The following GPHN variants were observed in gnomAD, a reference collection of about 807,000 sequenced individuals.
GPHN encodes gephyrin.
In GPHN, 17 loss-of-function variants were observed where a neutral mutation model predicts 95.5. The ratio of observed to expected loss-of-function variants is 0.18; its 90% CI spans 0.12 to 0.27. GPHN has a LOEUF of 0.27. GPHN is among the 10% of genes least tolerant of loss of function. The pLI is 1.00. For synonymous variants in GPHN, 320 were observed against 322.5 expected (o/e 0.99, Z 0.08); for missense variants, 660 against 978.1 (o/e 0.67, Z 4.34).
intron 12 of GPHN, among the ~76,000 whole-genome samples, chr14:67,094,574 C>T (rs1460128720): frequency 2.0e-5 from 3 of 152,118 alleles, no homozygotes; most frequent in Non-Finnish European, 4.4e-5. Context: ...TCTTTCCAAG[C>T]TCTAGGTTCA....
rs1000117893 is a variant in GPHN, at chr14:66,539,409, C to CTTTTT, written c.64+30836_64+30840dup. ...AAAAAGCTCAGCTGCTTTCTACTTT[C>CTTTTT]TTTTTTTTTTTTTTTTTTTTTTGAG... On this transcript the variant is annotated intron_variant, in intron 1 of 22. Coordinates refer to ENST00000478722, the MANE Select transcript of GPHN (RefSeq NM_020806.5). Among the ~76,000 whole-genome samples the CTTTTT allele has an allele frequency of 2.9e-3, 295 of 101,718 alleles. 6 individuals carry two copies. The highest frequency in any genetic ancestry group is 6.2e-3 in the Middle Eastern group (1 of 162). 66.7% of individuals were successfully genotyped at this position (101,718 alleles called of 152,430 possible).
At chr14:66,512,558 T>G (rs1394425289) in intron 1 of GPHN, among the ~76,000 whole-genome samples, 1 of 151,808 alleles carries the variant, frequency 6.6e-6, no homozygotes, top group East Asian at 1.9e-4. Flanking sequence ...ATATTTTTGC[T>G]GTAGTAATAT....
the GPHN span, chr14:67,395,312 A>AGCTTGCT: frequency 8.9e-7 from 1 of 1,122,142 alleles, no homozygotes; most frequent in Non-Finnish European, 1.3e-6. Flanking sequence ...CTGTGCAGCA[A>AGCTTGCT]GCACAGAGCC....
chr14:67,296,461 T>C, the GPHN span, among the ~76,000 whole-genome samples: 1 of 150,278 alleles, frequency 6.7e-6, no homozygotes, highest in African/African-American at 2.4e-5. Flanking sequence ...ATTAGGCGGG[T>C]GTGGTGGTAC....
chr14:66,613,385 C>T (rs2062865693), intron 1 of GPHN, among the ~76,000 whole-genome samples: 1 of 152,008 alleles, frequency 6.6e-6, no homozygotes, highest in Non-Finnish European at 1.5e-5. Context: ...CTTCATGGCA[C>T]CATTCTACAC....
intron 12 of GPHN, among the ~76,000 whole-genome samples, chr14:67,095,702 TCTCA>T (rs1339092292): frequency 6.6e-6 from 1 of 151,956 alleles, no homozygotes; most frequent in Non-Finnish European, 1.5e-5. Context: ...CACCGCATGT[TCTCA>T]CTCATAGATG....
chr14:67,383,193 C>G, the GPHN span: 3 of 1,081,310 alleles, frequency 2.8e-6, no homozygotes, highest in Non-Finnish European at 1.3e-6. Flanking sequence ...CAAAAGTGAA[C>G]AGATATGACA....
At chr14:67,503,305 C>A in the GPHN span, among the ~76,000 whole-genome samples, 1 of 152,160 alleles carries the variant, frequency 6.6e-6, no homozygotes, top group Non-Finnish European at 1.5e-5. Flanking sequence ...AGGTGAGTGC[C>A]CTTCAGGCAG....
In GPHN at chr14:66,813,902, A is replaced by G. The variant is rs531245804; in HGVS notation, c.202-10572A>G. Reference sequence around the variant, plus strand: ...TGGGTACCCACGCCGTAGCTTCAACACTGATGGACCATGCCTGACCAGTAG... The same window carrying G: ...TGGGTACCCACGCCGTAGCTTCAACGCTGATGGACCATGCCTGACCAGTAG... On this transcript the variant is annotated intron_variant, in intron 3 of 22. Coordinates refer to ENST00000478722, the MANE Select transcript of GPHN (RefSeq NM_020806.5). Among the ~76,000 whole-genome samples, 3 of 152,168 alleles carry G rather than the reference A, an allele frequency of 2.0e-5. No homozygotes were observed. The East Asian group carries it at 5.8e-4, about 29-fold the overall frequency.
At chr14:66,575,195 G>A (rs1486096609) in intron 1 of GPHN, among the ~76,000 whole-genome samples, 4 of 152,040 alleles carry the variant, frequency 2.6e-5, no homozygotes, top group African/African-American at 7.2e-5. Flanking sequence ...AGCTTGCTGA[G>A]TATAGTGTTC....
chr14:67,142,183 T>G (rs2080505065), intron 17 of GPHN, among the ~76,000 whole-genome samples: 1 of 152,156 alleles, frequency 6.6e-6, no homozygotes, highest in African/African-American at 2.4e-5. Context: ...AGGTAAGAAT[T>G]TTTCAGACAA....
chr14:67,597,656 C>A, the GPHN span, among the ~76,000 whole-genome samples: 17 of 151,770 alleles, frequency 1.1e-4, no homozygotes, highest in South Asian at 1.7e-3. Context: ...GAGAGGAATA[C>A]AATTCAGCCC....
intron 2 of GPHN, among the ~76,000 whole-genome samples, chr14:66,737,137 G>A (rs1320543573): frequency 6.6e-6 from 1 of 152,128 alleles, no homozygotes; most frequent in Non-Finnish European, 1.5e-5. Flanking sequence ...AATATTTACA[G>A]TATTTTTAGG....
In GPHN at chr14:67,001,423, TTTATAC is replaced by T. The variant is rs2072220418; in HGVS notation, c.964-22204_964-22199del. 3.3e-5 allele frequency among the ~76,000 whole-genome samples: 5 copies of T among 151,742 alleles called. No homozygotes were observed. The South Asian group carries it at 1.0e-3, about 31-fold the overall frequency. ...GCAGTAAAATGACAGCTCACCTGCA[TTTATAC>T]TTATAGTTCCAGCTGCTGTTTGAAT... On this transcript the variant is annotated intron_variant, in intron 9 of 22. Transcript: ENST00000478722.
At chr14:67,287,931 T>C in the GPHN span, among the ~76,000 whole-genome samples, 1 of 152,208 alleles carries the variant, frequency 6.6e-6, no homozygotes, top group East Asian at 1.9e-4. Context: ...CTCCTTGGCC[T>C]TAAAAAGTTT....
At position 66,592,750 on chromosome 14, in the gene GPHN, A is replaced by G. The variant is rs560899620; in HGVS notation, c.64+84159A>G. On this transcript the variant is annotated intron_variant, in intron 1 of 22. Coordinates refer to ENST00000478722, the MANE Select transcript of GPHN (RefSeq NM_020806.5). ...TTGTGGAAGACACTGGTGATTCCTC[A>G]AGGATCTAGAACCAGAAATACCACT... Among the ~76,000 whole-genome samples the G allele has an allele frequency of 2.0e-5, 3 of 152,322 alleles. No individual in the cohort carries two copies. In the South Asian group the frequency reaches 6.2e-4, roughly 32 times the overall value.
chr14:66,580,750 T>C (rs1012840086), intron 1 of GPHN, among the ~76,000 whole-genome samples: 10 of 151,760 alleles, frequency 6.6e-5, no homozygotes, highest in Non-Finnish European at 1.3e-4. Flanking sequence ...ATTTAAAGAA[T>C]AAACACCAGT....
intron 11 of GPHN, among the ~76,000 whole-genome samples, chr14:67,077,503 A>G (rs916452977): frequency 1.3e-5 from 2 of 152,208 alleles, no homozygotes; most frequent in African/African-American, 4.8e-5. Context: ...TAAATGCCCA[A>G]CCAAACAAAT....
chr14:66,544,128 C>A (rs2059448968), intron 1 of GPHN, among the ~76,000 whole-genome samples: 1 of 152,202 alleles, frequency 6.6e-6, no homozygotes, highest in Non-Finnish European at 1.5e-5. Context: ...TTCAGCCACA[C>A]TGACCTCATT....
Sources: allele counts gnomAD v4.1 joint callset (sites outside exome capture counted in the v4.1 genomes callset), GRCh38; gene constraint gnomAD v4.1.1; transcripts MANE v1.5; gene names NCBI Gene and HGNC (gene_info 2026-07-23, HGNC 2026-07-21).